KLF12: variants seen among roughly 807,000 people sequenced by gnomAD.
KLF12 encodes the protein Krueppel-like factor 12.
Under a neutral mutation model 37.8 loss-of-function variants are expected in KLF12, and 9 were observed. The ratio of observed to expected loss-of-function variants is 0.24; its 90% confidence interval spans 0.14 to 0.42. The LOEUF is 0.42. Ranked by LOEUF, KLF12 falls within the 10% of genes least tolerant of loss-of-function variation. KLF12 has a pLI of 1.00. For synonymous variants in KLF12, 208 were observed against 202.1 expected (o/e 1.03, Z -0.25); for missense variants, 411 against 516.0 (o/e 0.80, Z 1.97).
intron 3 of KLF12, among the ~76,000 whole-genome samples, chr13:73,868,145 T>C (rs1247081003): frequency 2.0e-5 from 3 of 148,038 alleles, no homozygotes; most frequent in Non-Finnish European, 3.0e-5. Flanking sequence ...AAACCCCGTC[T>C]CTACTAAAAA....
At chr13:74,305,766 G>C in the KLF12 span, among the ~76,000 whole-genome samples, 29 of 152,042 alleles carry the variant, frequency 1.9e-4, no homozygotes, top group Admixed American at 1.9e-3. Context: ...CCTCTGAAGT[G>C]ATGATAAATT....
chr13:74,022,876 G>GAA (rs200107283), intron 1 of KLF12, among the ~76,000 whole-genome samples: 36 of 139,272 alleles, frequency 2.6e-4, no homozygotes, highest in South Asian at 2.5e-3. Flanking sequence ...ATCCACTGTG[G>GAA]AAAAAAAAAA....
chr13:73,688,172 C>T lies in KLF12; in HGVS notation c.*7318G>A, dbSNP rs959525851. The stretch of plus-strand genomic sequence containing the variant: ...TTAATGTTTTCTAAGTCCATTAGTA[C>T]TTCCATGAATCAATACTGTCAGAGA... On this transcript the variant is annotated 3_prime_UTR_variant, in exon 8 of 8. Coordinates refer to ENST00000377669, the MANE Select transcript of KLF12 (RefSeq NM_007249.5). The T allele has an allele frequency of 9.2e-5, 14 of 152,582 alleles. No individual in the cohort carries two copies. The highest frequency in any genetic ancestry group is 3.4e-4 in the African/African-American group (14 of 41,424). The allele number at this position is 152,582 out of a possible 1,614,324, so 9.5% of individuals were successfully genotyped here. A position where few individuals can be genotyped will look rare whatever the true frequency, so the allele number is the denominator to read the frequency against.
intron 1 of KLF12, among the ~76,000 whole-genome samples, chr13:74,014,546 T>C (rs935734055): frequency 1.3e-5 from 2 of 152,208 alleles, no homozygotes; most frequent in South Asian, 2.1e-4. Flanking sequence ...ATAGGAAATA[T>C]GGCTGGAGAG....
At chr13:73,715,324 G>A (rs1875716735) in intron 7 of KLF12, 44 bp downstream of exon 7, 1 of 1,576,230 alleles carries the variant, frequency 6.3e-7, no homozygotes. Context: ...GGCGCTTTAT[G>A]GACTCTCACT....
intron 1 of KLF12, among the ~76,000 whole-genome samples, chr13:74,038,298 T>C (rs552265489): frequency 6.6e-6 from 1 of 152,196 alleles, no homozygotes; most frequent in Admixed American, 6.5e-5. Flanking sequence ...AGGCTGTCAG[T>C]TGCAAACACT....
At chr13:74,282,795 G>A in the KLF12 span, among the ~76,000 whole-genome samples, 3 of 152,140 alleles carry the variant, frequency 2.0e-5, no homozygotes, top group Admixed American at 6.5e-5. Context: ...TACGGTTTCA[G>A]TTCTATTAAT....
intron 3 of KLF12, among the ~76,000 whole-genome samples, chr13:73,882,248 T>C (rs1887015934): frequency 6.6e-6 from 1 of 152,206 alleles, no homozygotes; most frequent in African/African-American, 2.4e-5. Flanking sequence ...AAACTCCTCT[T>C]CTGTAACATT....
At chr13:73,854,222 G>C (rs547231337) in intron 3 of KLF12, among the ~76,000 whole-genome samples, 39 of 152,178 alleles carry the variant, frequency 2.6e-4, no homozygotes, top group African/African-American at 9.2e-4. Context: ...TAGACTTTTA[G>C]GGGATAAATC....
Position 73,721,320 on chromosome 13 carries a change from T to C in KLF12, c.870-5795A>G, listed in dbSNP as rs559502481. Among the ~76,000 whole-genome samples, 6 of 152,130 alleles carry C rather than the reference T, an allele frequency of 3.9e-5. No homozygotes were observed. In the East Asian group the frequency reaches 9.6e-4, roughly 24 times the overall value. ...GATACAGGTATTACAAACCAACATA[T>C]GATAGAAGGGGAAAAAGCAACAAAA... On this transcript the variant is annotated intron_variant, in intron 6 of 7. Transcript: ENST00000377669.
At chr13:74,036,671 T>A (rs1009878511) in intron 1 of KLF12, among the ~76,000 whole-genome samples, 1 of 152,138 alleles carries the variant, frequency 6.6e-6, no homozygotes, top group Non-Finnish European at 1.5e-5. Context: ...ATCCCTGTGG[T>A]GGGACAGGAG....
chr13:73,832,213 C>T (rs1439772425), intron 4 of KLF12, among the ~76,000 whole-genome samples: 1 of 152,144 alleles, frequency 6.6e-6, no homozygotes, highest in Non-Finnish European at 1.5e-5. Flanking sequence ...TTTGTGTGCC[C>T]TCCATTCTCT....
upstream of KLF12, among the ~76,000 whole-genome samples, chr13:74,134,077 A>G (rs1384634960): frequency 7.7e-6 from 1 of 129,926 alleles, no homozygotes; most frequent in African/African-American, 2.9e-5. Context: ...GCATCGAATT[A>G]CCCCGGGGCC....
intron 3 of KLF12, among the ~76,000 whole-genome samples, chr13:73,850,410 T>G (rs1885272220): frequency 6.6e-6 from 1 of 152,238 alleles, no homozygotes; most frequent in African/African-American, 2.4e-5. Flanking sequence ...CTCCTACTTG[T>G]TAGTTCCCAG....
chr13:74,010,385 T>C (rs1281278505), intron 1 of KLF12, among the ~76,000 whole-genome samples: 1 of 152,284 alleles, frequency 6.6e-6, no homozygotes, highest in Non-Finnish European at 1.5e-5. Flanking sequence ...ATTGCAGAGT[T>C]CAGAGGCAAT....
intron 6 of KLF12, among the ~76,000 whole-genome samples, chr13:73,736,929 T>C (rs900187623): frequency 1.1e-4 from 17 of 152,182 alleles, no homozygotes; most frequent in African/African-American, 4.1e-4. Context: ...TTCAAAAAAT[T>C]TAGAGCCATA....
intron 1 of KLF12, among the ~76,000 whole-genome samples, chr13:74,128,916 T>G (rs1198527506): frequency 6.6e-6 from 1 of 152,160 alleles, no homozygotes; most frequent in Non-Finnish European, 1.5e-5. Flanking sequence ...ATGGTGTGTG[T>G]GGGTGGGTTA....
chr13:73,789,738 G>A (rs1014735149), intron 5 of KLF12, among the ~76,000 whole-genome samples: 11 of 150,394 alleles, frequency 7.3e-5, no homozygotes, highest in Admixed American at 2.7e-4. Context: ...GTGCGGTGGT[G>A]CCATCTCCGC....
the KLF12 span, among the ~76,000 whole-genome samples, chr13:74,235,645 T>C: frequency 3.3e-5 from 5 of 152,190 alleles, no homozygotes; most frequent in African/African-American, 1.2e-4. Context: ...TTTATTTCTA[T>C]TTACACTTGC....
Sources: allele counts gnomAD v4.1 joint callset (sites outside exome capture counted in the v4.1 genomes callset), GRCh38; gene constraint gnomAD v4.1.1; transcripts MANE v1.5; gene names NCBI Gene and HGNC (gene_info 2026-07-23, HGNC 2026-07-21).